The following MAP3K20 variants were observed in gnomAD, a reference collection of about 807,000 sequenced individuals.
The protein encoded by MAP3K20 is HCCS-4.
In MAP3K20, 40 loss-of-function variants were observed where a neutral mutation model predicts 85.7. The observed-to-expected ratio is 0.47, with a 90% CI of 0.36 to 0.61. The LOEUF is 0.61. Among genes scored for constraint, MAP3K20 ranks in the 20% least tolerant of loss-of-function variants. The pLI is 0.00. For synonymous variants in MAP3K20, 325 were observed against 327.7 expected (o/e 0.99, Z 0.09); for missense variants, 817 against 961.7 (o/e 0.85, Z 1.99).
chr2:173,097,021 C>G (rs1278742366), intron 2 of MAP3K20, among the ~76,000 whole-genome samples: 1 of 152,160 alleles, frequency 6.6e-6, no homozygotes, highest in Non-Finnish European at 1.5e-5. Flanking sequence ...CTATTTACAG[C>G]TACTGCCCAG....
intron 11 of MAP3K20, chr2:173,225,234 T>A: frequency 3.0e-6 from 2 of 677,798 alleles, no homozygotes; most frequent in Non-Finnish European, 3.6e-6. Context: ...TGGGGTGGCA[T>A]TTGCTGCCCA....
At chr2:173,193,308 T>G (rs543431189) in intron 7 of MAP3K20, among the ~76,000 whole-genome samples, 1 of 152,242 alleles carries the variant, frequency 6.6e-6, no homozygotes, top group South Asian at 2.1e-4. Context: ...TTTGCACTTA[T>G]GAGTCCACAC....
At chr2:173,260,934 G>C (rs527893676) in intron 17 of MAP3K20, 129 bp from the exon 18 acceptor site, 7 of 722,354 alleles carry the variant, frequency 9.7e-6, no homozygotes, top group South Asian at 9.6e-5. Context: ...AACCAACAAG[G>C]CTTTCATGAT....
chr2:173,160,768 G>C (rs760324868), intron 2 of MAP3K20, among the ~76,000 whole-genome samples: 63 of 152,164 alleles, frequency 4.1e-4, no homozygotes, highest in Non-Finnish European at 6.9e-4. Context: ...TAGTGATAAA[G>C]ATAAGAGGTA....
chr2:173,247,460 A>G (rs1391843040), intron 16 of MAP3K20, among the ~76,000 whole-genome samples: 1 of 152,210 alleles, frequency 6.6e-6, no homozygotes, highest in East Asian at 1.9e-4. Context: ...TCAGAAGAGC[A>G]GAAAGCAGCA....
chr2:173,217,373 C>T (rs1410790518), intron 11 of MAP3K20, 123 bp downstream of exon 11: 11 of 1,246,170 alleles, frequency 8.8e-6, no homozygotes, highest in East Asian at 2.9e-5. Flanking sequence ...GCCTCGCGCC[C>T]GTGTATTAAA....
At chr2:173,136,146 T>A (rs1688794866) in intron 2 of MAP3K20, among the ~76,000 whole-genome samples, 1 of 152,218 alleles carries the variant, frequency 6.6e-6, no homozygotes, top group Non-Finnish European at 1.5e-5. Context: ...CCTTGTTGAA[T>A]AGCCTGTGTT....
chr2:173,084,206 G>A (rs1490962803), intron 1 of MAP3K20, among the ~76,000 whole-genome samples: 2 of 152,102 alleles, frequency 1.3e-5, no homozygotes, highest in African/African-American at 4.8e-5. Flanking sequence ...ACTGTGCCCG[G>A]CCAAAGTAGA....
chr2:173,130,312 G>C (rs1026804872), intron 2 of MAP3K20, among the ~76,000 whole-genome samples: 1 of 152,134 alleles, frequency 6.6e-6, no homozygotes, highest in Non-Finnish European at 1.5e-5. Context: ...ATGGAAAAAT[G>C]TCCATTTTTT....
chr2:173,224,471 G>T, intron 11 of MAP3K20: 1 of 985,286 alleles, frequency 1.0e-6, no homozygotes, highest in Non-Finnish European at 1.2e-6. Flanking sequence ...ACAGGACTCT[G>T]TACTGGACCT....
chr2:173,184,781 A>C (rs1285198102), intron 4 of MAP3K20, among the ~76,000 whole-genome samples: 1 of 151,956 alleles, frequency 6.6e-6, no homozygotes, highest in Non-Finnish European at 1.5e-5. Context: ...GTGGTGGTGC[A>C]CTACTCGCCT....
Position 173,232,401 on chromosome 2 carries a change from A to T in MAP3K20, c.1145A>T (p.Glu382Val). ...NITGKRLLLL[E>V]EEDLKDMGIV... ...ACAGGGAAGCGGCTGCTGCTGCTGG[A>T]GGAAGAAGACCTGAAAGACATGGGC... is the stretch of plus-strand genomic sequence containing the variant. Residue 382 changes from glutamate (E) to valine (V), a missense_variant, in exon 14 of 20, where the codon GAG becomes GTG. Glu to Val is a moderately radical substitution (Grantham distance 121, BLOSUM62 -2). Transcript: ENST00000375213. The T allele has an allele frequency of 6.2e-7, 1 of 1,614,236 alleles. No homozygotes were observed. The highest frequency in any genetic ancestry group is 1.1e-5 in the South Asian group (1 of 91,088).
Position 173,229,709 on chromosome 2 carries a change from T to G in MAP3K20, c.1008T>G (p.Ile336Met). The change falls in exon 12 of 20, where the codon ATT becomes ATG. Residue 336 changes from isoleucine (I) to methionine (M), a missense_variant. By Grantham distance (10) the Ile-to-Met change is conservative (BLOSUM62 1). Coordinates refer to ENST00000375213, the MANE Select transcript of MAP3K20 (RefSeq NM_016653.3). The part of the protein sequence containing the change: ...SNTPLLPSFE[I>M]GAWTEDDVYC... ...TGCAGCTGCTGCCTTCCTTTGAGAT[T>G]GGTGCATGGACGGAAGACGATGTGG... 6.2e-7 allele frequency: 1 copy of G among 1,614,158 alleles called. No homozygotes were observed. Among genetic ancestry groups the G allele is most frequent in the Non-Finnish European group, 8.5e-7 (1 of 1,180,018 alleles).
intron 7 of MAP3K20, chr2:173,197,732 C>A: frequency 6.2e-6 from 1 of 162,490 alleles, no homozygotes; most frequent in Non-Finnish European, 1.3e-5. Flanking sequence ...CATAAAAATT[C>A]TGATAATTTA....
chr2:173,217,213 T>A lies in MAP3K20; in HGVS notation c.950T>A (p.Met317Lys). Residue 317 changes from methionine (M) to lysine (K), a missense_variant, in exon 11 of 20, where the codon ATG becomes AAG. Met to Lys is a moderately conservative substitution (Grantham distance 95). Coordinates refer to ENST00000375213, the MANE Select transcript of MAP3K20 (RefSeq NM_016653.3). ...ELKERERRLK[M>K]WEQKLTEQSN... ...AAAGAACGAGAAAGACGTTTAAAGA[T>A]GTGGGAGCAAAAGCTGACAGAGCAG... 2 of 1,601,770 alleles carry A rather than the reference T, an allele frequency of 1.2e-6. No homozygotes were observed. The highest frequency in any genetic ancestry group is 1.7e-6 in the Non-Finnish European group (2 of 1,173,754).
At chr2:173,209,020 A>G (rs1866633) in intron 9 of MAP3K20, among the ~76,000 whole-genome samples, 82,993 of 152,044 alleles carry the variant, frequency 0.55, 24,298 homozygotes, top group Non-Finnish European at 0.67. Context: ...AGCTAATTAT[A>G]ACAGAAAATA....
At chr2:173,236,182 C>T (rs1045015594) in intron 14 of MAP3K20, among the ~76,000 whole-genome samples, 15 of 146,564 alleles carry the variant, frequency 1.0e-4, no homozygotes, top group African/African-American at 3.3e-4. Flanking sequence ...GTGGGAGGAT[C>T]GCTTGAGCCC....
intron 16 of MAP3K20, among the ~76,000 whole-genome samples, chr2:173,249,156 G>GA (rs1192444986): frequency 3.3e-5 from 5 of 152,212 alleles, no homozygotes; most frequent in Non-Finnish European, 1.5e-5. Context: ...AAAAAACGTG[G>GA]AAACAGTCAT....
chr2:173,171,203 T>G (rs1336346884), intron 3 of MAP3K20, among the ~76,000 whole-genome samples: 2 of 152,208 alleles, frequency 1.3e-5, no homozygotes, highest in Non-Finnish European at 2.9e-5. Flanking sequence ...GATTTCTGAT[T>G]TAAAGTTAAA....
Sources: gnomAD v4.1 joint callset for allele counts (sites outside exome capture counted in the v4.1 genomes callset) on GRCh38, gnomAD v4.1.1 for gene constraint, MANE v1.5 for transcripts, NCBI Gene and HGNC (gene_info 2026-07-23, HGNC 2026-07-21) for gene names.